Variants in ACTR3C observed in about 807,000 individuals in gnomAD.
ACTR3C encodes actin related protein 3C, also known as actin-related protein 3C.
ACTR3C carries 18 observed loss-of-function variants against 26.3 expected under a neutral mutation model. The ratio of observed to expected loss-of-function variants is 0.68; its 90% CI spans 0.47 to 1.01. ACTR3C has a LOEUF of 1.01. Among genes scored for constraint, ACTR3C ranks in the 50% least tolerant of loss-of-function variants. ACTR3C has a pLI of 0.00. For synonymous variants in ACTR3C, 55 were observed against 94.5 expected (o/e 0.58, Z 2.42); for missense variants, 184 against 250.7 (o/e 0.73, Z 1.80).
At chr7:150,089,963 C>T in the ACTR3C span, among the ~76,000 whole-genome samples, 2 of 152,296 alleles carry the variant, frequency 1.3e-5, no homozygotes, top group East Asian at 3.9e-4. Flanking sequence ...AAGCTCTCTT[C>T]ATTCATCACT....
At chr7:150,218,325 G>T in the ACTR3C span, among the ~76,000 whole-genome samples, 3 of 152,254 alleles carry the variant, frequency 2.0e-5, no homozygotes, top group Non-Finnish European at 2.9e-5. Flanking sequence ...TGCAAACTTT[G>T]CAGGCAAACA....
chr7:150,225,046 T>TGTGTGTGTG, the ACTR3C span, among the ~76,000 whole-genome samples: 2 of 149,570 alleles, frequency 1.3e-5, no homozygotes, highest in African/African-American at 2.5e-5. Flanking sequence ...TGTGTGTGTG[T>TGTGTGTGTG]TTGCCTGCAC....
chr7:150,036,900 G>A, the ACTR3C span, among the ~76,000 whole-genome samples: 1 of 116,284 alleles, frequency 8.6e-6, no homozygotes, highest in Admixed American at 7.8e-5. Flanking sequence ...TCCCCGCCTC[G>A]CGGGGAGTGC....
chr7:150,086,615 A>G, the ACTR3C span, among the ~76,000 whole-genome samples: 113,435 of 151,322 alleles, frequency 0.75, 42,421 homozygotes, highest in East Asian at 0.82. Flanking sequence ...ACCTAAGGAA[A>G]AGCTGCACTA....
chr7:150,040,156 A>G, the ACTR3C span, among the ~76,000 whole-genome samples: 2,403 of 135,026 alleles, frequency 0.018, 201 homozygotes, highest in African/African-American at 0.059. Context: ...TTCAGGTTTT[A>G]CCCAAGAATC....
chr7:150,038,288 G>C, the ACTR3C span, among the ~76,000 whole-genome samples: 1 of 144,738 alleles, frequency 6.9e-6, no homozygotes, highest in Non-Finnish European at 1.5e-5. Flanking sequence ...TAGAGACGTA[G>C]GCTACGGGCC....
the ACTR3C span, among the ~76,000 whole-genome samples, chr7:149,956,914 C>A: frequency 6.6e-6 from 1 of 152,128 alleles, no homozygotes; most frequent in African/African-American, 2.4e-5. Flanking sequence ...TTTTGTGGGG[C>A]ACTTTGTCAC....
the ACTR3C span, among the ~76,000 whole-genome samples, chr7:150,039,331 C>G: frequency 2.1e-5 from 3 of 146,002 alleles, no homozygotes; most frequent in African/African-American, 7.9e-5. Flanking sequence ...GAGGGGATAG[C>G]TCTCAGTCCC....
At chr7:150,270,766 T>C (rs1834388976) in intron 6 of ACTR3C, among the ~76,000 whole-genome samples, 1 of 151,760 alleles carries the variant, frequency 6.6e-6, no homozygotes, top group Non-Finnish European at 1.5e-5. Flanking sequence ...GGTACCCACC[T>C]GGCCCTGGTT....
chr7:150,301,091 T>C (rs10232634), intron 1 of ACTR3C, among the ~76,000 whole-genome samples: 8,673 of 152,230 alleles, frequency 0.057, 806 homozygotes, highest in African/African-American at 0.2. Context: ...GCTGGGCACA[T>C]AGAAGTACTC....
At chr7:150,096,886 C>G in the ACTR3C span, among the ~76,000 whole-genome samples, 1 of 151,822 alleles carries the variant, frequency 6.6e-6, no homozygotes, top group Admixed American at 6.6e-5. Flanking sequence ...GACCATGCCT[C>G]CAAGTCCCAG....
At chr7:150,280,979 G>C (rs1364634991) in intron 6 of ACTR3C, among the ~76,000 whole-genome samples, 11 of 152,244 alleles carry the variant, frequency 7.2e-5, no homozygotes, top group Non-Finnish European at 1.3e-4. Flanking sequence ...GTGGCAGAGG[G>C]AGAGAGACGA....
At chr7:150,221,998 C>CAAAAAA in the ACTR3C span, among the ~76,000 whole-genome samples, 152 of 79,778 alleles carry the variant, frequency 1.9e-3, 5 homozygotes, top group African/African-American at 9.9e-3. Flanking sequence ...ACTCCGTCTC[C>CAAAAAA]AAAAAAAAAA....
chr7:150,014,455 CAAAAAAAAA>C, the ACTR3C span, among the ~76,000 whole-genome samples: 1 of 111,686 alleles, frequency 9.0e-6, no homozygotes, highest in African/African-American at 3.4e-5. Flanking sequence ...GACTCCGTCT[CAAAAAAAAA>C]AAAAAAAAAG....
the ACTR3C span, among the ~76,000 whole-genome samples, chr7:150,035,640 G>A: frequency 7.3e-5 from 10 of 136,098 alleles, 3 homozygotes; most frequent in Non-Finnish European, 1.2e-4. Context: ...CTTTCTACTT[G>A]GACAACTAAC....
chr7:150,167,953 T>A, the ACTR3C span, among the ~76,000 whole-genome samples: 1 of 150,866 alleles, frequency 6.6e-6, no homozygotes, highest in South Asian at 2.1e-4. Context: ...AAAAAATATA[T>A]ATATTTAGAT....
the ACTR3C span, among the ~76,000 whole-genome samples, chr7:150,089,543 T>C: frequency 1.3e-5 from 2 of 152,144 alleles, no homozygotes; most frequent in South Asian, 2.1e-4. Context: ...GGAGAGCTAT[T>C]TGTGGCCCAG....
chr7:149,932,785 A>T, the ACTR3C span, among the ~76,000 whole-genome samples: 3 of 151,140 alleles, frequency 2.0e-5, no homozygotes, highest in Non-Finnish European at 4.4e-5. Context: ...AGACTCTTAG[A>T]CCATAGTCAG....
the ACTR3C span, among the ~76,000 whole-genome samples, chr7:150,091,185 C>T: frequency 7.1e-6 from 1 of 140,786 alleles, no homozygotes; most frequent in Non-Finnish European, 1.6e-5. Context: ...GGTGAAGCAT[C>T]AGGGATGGCT....
Sources: gnomAD v4.1 joint callset for allele counts (sites outside exome capture counted in the v4.1 genomes callset) on GRCh38, gnomAD v4.1.1 for gene constraint, MANE v1.5 for transcripts, NCBI Gene and HGNC (gene_info 2026-07-23, HGNC 2026-07-21) for gene names.